The following NELL2 variants were observed in gnomAD, a reference collection of about 807,000 sequenced individuals.
NELL2 encodes neural EGFL like 2.
A neutral mutation model predicts 109.6 loss-of-function variants in NELL2; 41 were observed. The observed-to-expected ratio is 0.37, with a 90% CI of 0.29 to 0.49. The LOEUF (loss-of-function observed/expected upper bound fraction) is 0.49, where lower values mean the gene tolerates loss of function less well. Among genes scored for constraint, NELL2 ranks in the 20% least tolerant of loss-of-function variants. The probability of loss-of-function intolerance (pLI) is 0.98; values close to 1 mark genes in which losing one functional copy is unlikely to be tolerated. For synonymous variants in NELL2, 355 were observed against 344.7 expected (o/e 1.03, Z -0.33); for missense variants, 900 against 1,008.3 (o/e 0.89, Z 1.45).
intron 2 of NELL2, among the ~76,000 whole-genome samples, chr12:44,828,796 A>C (rs1445017230): frequency 1.3e-5 from 2 of 152,164 alleles, no homozygotes; most frequent in Non-Finnish European, 2.9e-5. Flanking sequence ...TCTATAACAA[A>C]TACAAGTTCT....
chr12:44,663,681 A>G (rs1009094212), intron 13 of NELL2, among the ~76,000 whole-genome samples: 1 of 152,186 alleles, frequency 6.6e-6, no homozygotes, highest in Middle Eastern at 3.2e-3. Context: ...TTGGAAGGAA[A>G]GTGCACTGGG....
intron 2 of NELL2, among the ~76,000 whole-genome samples, chr12:44,863,520 T>A (rs1162193034): frequency 1.3e-5 from 2 of 150,352 alleles, no homozygotes; most frequent in Non-Finnish European, 3.0e-5. Flanking sequence ...GTAGAAGTAA[T>A]AAAAAAAAAC....
At chr12:44,597,700 A>G (rs117882460) in intron 15 of NELL2, among the ~76,000 whole-genome samples, 6 of 152,338 alleles carry the variant, frequency 3.9e-5, no homozygotes, top group South Asian at 2.1e-4. Context: ...GACAAGCCCT[A>G]TGAAAAACAC....
At chr12:44,741,234 T>G (rs1756280357) in intron 9 of NELL2, among the ~76,000 whole-genome samples, 1 of 152,236 alleles carries the variant, frequency 6.6e-6, no homozygotes, top group Non-Finnish European at 1.5e-5. Flanking sequence ...AATAACATTT[T>G]CTTTTCTTTA....
intron 2 of NELL2, among the ~76,000 whole-genome samples, chr12:44,832,198 G>A (rs1398305550): frequency 6.6e-6 from 1 of 152,134 alleles, no homozygotes; most frequent in Non-Finnish European, 1.5e-5. Context: ...TGGGGCCACA[G>A]TTTTAACCAA....
At chr12:44,549,347 T>C (rs1942935081) in intron 15 of NELL2, among the ~76,000 whole-genome samples, 2 of 152,136 alleles carry the variant, frequency 1.3e-5, no homozygotes, top group South Asian at 4.1e-4. Context: ...ATTATTCTGC[T>C]GGTTGGATAG....
intron 9 of NELL2, among the ~76,000 whole-genome samples, chr12:44,759,234 G>T (rs1383027640): frequency 2.0e-5 from 3 of 152,054 alleles, no homozygotes; most frequent in Non-Finnish European, 4.4e-5. Flanking sequence ...TGTAGAAAAG[G>T]CTACAAGTTT....
chr12:44,820,566 G>T (rs1208554903), intron 2 of NELL2, among the ~76,000 whole-genome samples: 1 of 147,632 alleles, frequency 6.8e-6, no homozygotes, highest in Non-Finnish European at 1.5e-5. Flanking sequence ...CCGAGATCGC[G>T]CCACTGCACT....
At chr12:44,795,852 G>C (rs974101234) in intron 3 of NELL2, among the ~76,000 whole-genome samples, 1 of 152,156 alleles carries the variant, frequency 6.6e-6, no homozygotes, top group Non-Finnish European at 1.5e-5. Context: ...CATGTTAAGG[G>C]AGATGGGAGA....
intron 9 of NELL2, among the ~76,000 whole-genome samples, chr12:44,749,144 C>G (rs1023033446): frequency 6.6e-6 from 1 of 152,138 alleles, no homozygotes; most frequent in Non-Finnish European, 1.5e-5. Context: ...TAATGACCCA[C>G]TTGAAGCTGT....
chr12:44,886,580 A>T (rs1945476058), intron 1 of NELL2, among the ~76,000 whole-genome samples: 1 of 152,136 alleles, frequency 6.6e-6, no homozygotes, highest in South Asian at 2.1e-4. Context: ...ATAATTTAAT[A>T]CACTCATATA....
At chr12:44,653,281 A>G (rs925681369) in intron 13 of NELL2, among the ~76,000 whole-genome samples, 1 of 152,186 alleles carries the variant, frequency 6.6e-6, no homozygotes, top group African/African-American at 2.4e-5. Context: ...ACATCATTCC[A>G]TTTTAAAGAT....
intron 13 of NELL2, among the ~76,000 whole-genome samples, chr12:44,657,670 C>T (rs1392451190): frequency 3.9e-5 from 6 of 152,108 alleles, no homozygotes; most frequent in Non-Finnish European, 8.8e-5. Context: ...TGATGTTCCC[C>T]TCCCTGTGTC....
At chr12:44,644,167 T>C (rs1282781345) in intron 13 of NELL2, among the ~76,000 whole-genome samples, 5 of 152,066 alleles carry the variant, frequency 3.3e-5, no homozygotes, top group African/African-American at 9.7e-5. Flanking sequence ...GAGACAATCT[T>C]GGAATAAGAA....
intron 1 of NELL2, among the ~76,000 whole-genome samples, chr12:44,903,857 G>C (rs1272213925): frequency 6.6e-6 from 1 of 150,884 alleles, no homozygotes; most frequent in African/African-American, 2.4e-5. Flanking sequence ...ATGGGCACAG[G>C]GAGGGGAATA....
At chr12:44,688,592 T>C (rs1948803180) in intron 12 of NELL2, among the ~76,000 whole-genome samples, 1 of 152,228 alleles carries the variant, frequency 6.6e-6, no homozygotes, top group South Asian at 2.1e-4. Flanking sequence ...CCACAGTTAG[T>C]AAACAGCAGA....
At chr12:44,538,903 T>A (rs1204238724) in intron 15 of NELL2, among the ~76,000 whole-genome samples, 1 of 152,162 alleles carries the variant, frequency 6.6e-6, no homozygotes, top group African/African-American at 2.4e-5. Flanking sequence ...TAGTATTTTA[T>A]TATTTCTTTC....
intron 13 of NELL2, among the ~76,000 whole-genome samples, chr12:44,624,578 C>T (rs1352758929): frequency 6.6e-6 from 1 of 152,060 alleles, no homozygotes; most frequent in Non-Finnish European, 1.5e-5. Context: ...GTAATGTTAT[C>T]TACACATGTT....
intron 9 of NELL2, among the ~76,000 whole-genome samples, chr12:44,754,422 A>G (rs1218140114): frequency 6.6e-6 from 1 of 152,230 alleles, no homozygotes; most frequent in Non-Finnish European, 1.5e-5. Flanking sequence ...AAATGTTAGA[A>G]TCATCATCAG....
Sources: gnomAD v4.1 joint callset for allele counts (sites outside exome capture counted in the v4.1 genomes callset) on GRCh38, gnomAD v4.1.1 for gene constraint, MANE v1.5 for transcripts, NCBI Gene and HGNC (gene_info 2026-07-23, HGNC 2026-07-21) for gene names.